The following MYO18A variants were observed in gnomAD, a reference collection of about 807,000 sequenced individuals.
MYO18A encodes the protein unconventional myosin-XVIIIa.
In MYO18A, 78 loss-of-function variants were observed where a neutral mutation model predicts 235.8. The observed-to-expected ratio is 0.33, with a 90% confidence interval of 0.28 to 0.40. The LOEUF (loss-of-function observed/expected upper bound fraction) is 0.40, where lower values mean the gene tolerates loss of function less well. MYO18A is among the 10% of genes least tolerant of loss of function. The probability of loss-of-function intolerance (pLI) is 1.00; values close to 1 mark genes in which losing one functional copy is unlikely to be tolerated. For missense variants in MYO18A, 2,215 were observed against 2,699.3 expected (o/e 0.82, Z 3.98); for synonymous variants, 977 against 1,077.8 (o/e 0.91, Z 1.83).
chr17:29,080,083 C>T (rs1413424372), intron 41 of MYO18A: 42 of 985,848 alleles, frequency 4.3e-5, no homozygotes, highest in South Asian at 1.4e-4. Context: ...GCTCTTCCGG[C>T]CGCTGCGGGA....
Position 29,166,774 on chromosome 17 carries a change from G to C in MYO18A, c.167C>G (p.Ser56Cys). 2 of 1,613,170 alleles carry C rather than the reference G, an allele frequency of 1.2e-6. No homozygotes were observed. The highest frequency in any genetic ancestry group is 1.6e-4 in the Middle Eastern group (1 of 6,062). Residue 56 changes from serine to cysteine, a missense_variant, in exon 2 of 42, where the codon TCC becomes TGC. Ser to Cys is a moderately radical substitution (Grantham distance 112, BLOSUM62 -1). Coordinates refer to ENST00000527372, the MANE Select transcript of MYO18A (RefSeq NM_078471.4). ...FNLNRSSKRE[S>C]KTRLEISNPI... ...GTTGGAGATTTCCAGGCGCGTCTTGGATTCACGCTTGGAGGAGCGGTTCAG... is the reference window on the plus strand; with the variant it reads ...GTTGGAGATTTCCAGGCGCGTCTTGCATTCACGCTTGGAGGAGCGGTTCAG...
chr17:29,143,588 G>GA (rs1415082361), intron 2 of MYO18A, among the ~76,000 whole-genome samples: 1 of 151,990 alleles, frequency 6.6e-6, no homozygotes, highest in Non-Finnish European at 1.5e-5. Flanking sequence ...ATAAGCGGGG[G>GA]AAAAAATGAG....
rs2067704698 is a variant in MYO18A, at chr17:29,140,272, T to C, written c.1000-18019A>G. ...GGAAATCACAAAAAGGTCCCTCCTT[T>C]CCTAAATGAGGAAATAGCATGAGGA... On this transcript the variant is annotated intron_variant, in intron 2 of 41. Coordinates refer to ENST00000527372, the MANE Select transcript of MYO18A (RefSeq NM_078471.4). This position sits in a 1 kb window ranked among gnomAD's most constrained non-coding sequence, Gnocchi z 4.2. 1.8e-6 allele frequency: 2 copies of C among 1,112,136 alleles called. No individual in the cohort carries two copies. Among genetic ancestry groups the C allele is most frequent in the Non-Finnish European group, 2.3e-6 (2 of 875,786 alleles). 68.9% of individuals were successfully genotyped at this position (1,112,136 alleles called of 1,614,324 possible).
intron 2 of MYO18A, among the ~76,000 whole-genome samples, chr17:29,163,176 C>G (rs2068210292): frequency 6.6e-6 from 1 of 152,232 alleles, no homozygotes; most frequent in African/African-American, 2.4e-5. Flanking sequence ...GGCGGGAAGA[C>G]TTCTCTTGGC....
intron 2 of MYO18A, among the ~76,000 whole-genome samples, chr17:29,146,077 G>A (rs1378973903): frequency 1.3e-5 from 2 of 152,110 alleles, no homozygotes; most frequent in African/African-American, 4.8e-5. Flanking sequence ...GGCCAACATG[G>A]TGAAACCCCG....
chr17:29,084,616 C>G (rs1227500552), intron 40 of MYO18A, among the ~76,000 whole-genome samples: 1 of 152,152 alleles, frequency 6.6e-6, no homozygotes, highest in African/African-American at 2.4e-5. Flanking sequence ...CAAACGGAGA[C>G]AGAACGGCGG....
At position 29,121,627 on chromosome 17, in the gene MYO18A, C is replaced by A. The variant is rs565414233; in HGVS notation, c.1291G>T (p.Ala431Ser). The A allele has an allele frequency of 6.3e-7, 1 of 1,584,070 alleles. No individual in the cohort carries two copies. The highest frequency in any genetic ancestry group is 1.1e-5 in the South Asian group (1 of 87,448). The change falls in exon 5 of 42, where the codon GCT (alanine) becomes TCT (serine). Residue 431 changes from alanine (A) to serine (S), a missense_variant. Coordinates refer to ENST00000527372, the MANE Select transcript of MYO18A (RefSeq NM_078471.4). This position sits in a 1 kb window ranked among gnomAD's most constrained non-coding sequence, Gnocchi z 4.2. The part of the protein sequence containing the change: ...VLHTLRQRYG[A>S]SLLHTYAGPS... The stretch of plus-strand genomic sequence containing the variant: ...CCAGCATACGTGTGCAGCAGGCTAG[C>A]GCCATAGCGCTGGCGCAAGGTGTGC...
At chr17:29,148,834 G>A (rs2067904954) in intron 2 of MYO18A, among the ~76,000 whole-genome samples, 1 of 152,166 alleles carries the variant, frequency 6.6e-6, no homozygotes, top group African/African-American at 2.4e-5. Context: ...CATGCCCAGG[G>A]CCACCCCAGC....
intron 13 of MYO18A, 122 bp downstream of exon 13, chr17:29,115,229 A>C: frequency 7.0e-7 from 1 of 1,424,990 alleles, no homozygotes; most frequent in South Asian, 1.3e-5. Context: ...CCTTGCTCAT[A>C]GCCCATGGGA....
chr17:29,105,171 CAAAA>C (rs58344909), intron 20 of MYO18A, among the ~76,000 whole-genome samples: 7 of 35,814 alleles, frequency 2.0e-4, no homozygotes, highest in African/African-American at 5.6e-4. Flanking sequence ...GACTCTGTCT[CAAAA>C]AAAAAAAAAA....
In MYO18A at chr17:29,115,105, T is replaced by G; in HGVS notation, c.2319-6A>C. On this transcript the variant is annotated splice_polypyrimidine_tract_variant and splice_region_variant and intron_variant, in intron 13 of 41. Transcript: ENST00000527372. ...GCTGGCTGGACTTGAGAGCCCTGGA[T>G]AGGGACAGCCTGGGTCAGAGCCTCG... 1.2e-6 allele frequency: 2 copies of G among 1,610,312 alleles called. No homozygotes were observed. The highest frequency in any genetic ancestry group is 1.7e-6 in the Non-Finnish European group (2 of 1,177,922).
At chr17:29,168,606 A>AGGGC (rs2068332843) in intron 1 of MYO18A, among the ~76,000 whole-genome samples, 1 of 152,148 alleles carries the variant, frequency 6.6e-6, no homozygotes, top group African/African-American at 2.4e-5. Flanking sequence ...ACAACCAAGC[A>AGGGC]GGGCCCTCCG....
chr17:29,084,372 C>T (rs1181641120), intron 40 of MYO18A, among the ~76,000 whole-genome samples: 1 of 152,184 alleles, frequency 6.6e-6, no homozygotes, highest in African/African-American at 2.4e-5. Context: ...ACATACAGAA[C>T]AGTGGATGGG....
Position 29,110,421 on chromosome 17 carries a change from C to A in MYO18A, c.3087+15G>T. 1 of 1,565,990 alleles carries A rather than the reference C, an allele frequency of 6.4e-7. No homozygotes were observed. Among genetic ancestry groups the A allele is most frequent in the South Asian group, 1.2e-5 (1 of 84,994 alleles). On this transcript the variant is annotated intron_variant, in intron 18 of 41. Transcript: ENST00000527372. ...GGTCCCCAGGCCTGCCTGCTGGGAC[C>A]CGGCTGGCACTCACCACCTGTAGCT...
chr17:29,097,927 C>G (rs1295158911), intron 25 of MYO18A, 28 bp from the exon 26 acceptor site: 2 of 1,596,362 alleles, frequency 1.3e-6, no homozygotes, highest in East Asian at 4.5e-5. Flanking sequence ...TCAGGGTGTG[C>G]CATTCCATCC....
At chr17:29,141,795 T>C (rs1429486812) in intron 2 of MYO18A, among the ~76,000 whole-genome samples, 3 of 152,218 alleles carry the variant, frequency 2.0e-5, no homozygotes. Context: ...ACATCTTCAG[T>C]GGCTACTTAG....
Position 29,120,930 on chromosome 17 carries a change from G to A in MYO18A, c.1585+68C>T. The A allele has an allele frequency of 6.4e-7, 1 of 1,566,464 alleles. No homozygotes were observed. Among genetic ancestry groups the A allele is most frequent in the Non-Finnish European group, 8.7e-7 (1 of 1,152,094 alleles). On this transcript the variant is annotated intron_variant, in intron 6 of 41. Coordinates refer to ENST00000527372, the MANE Select transcript of MYO18A (RefSeq NM_078471.4). The surrounding 1 kb of genome is among the most constrained non-coding windows in gnomAD (Gnocchi z 4.2). ...AGGGAGAAAAAGAGCTGGCACTTAA[G>A]AGGGTGCTCTCTCCTCACTCCCCTC...
rs2067193293 is a variant in MYO18A at position 29,121,273 on chromosome 17, C to T, written c.1372-62G>A. 6.6e-7 allele frequency: 1 copy of T among 1,512,638 alleles called. No individual in the cohort carries two copies. The highest frequency in any genetic ancestry group is 2.5e-5 in the East Asian group (1 of 40,710). The allele number at this position is 1,512,638 out of a possible 1,614,324, so 93.7% of individuals were successfully genotyped here. On this transcript the variant is annotated intron_variant, in intron 5 of 41. Coordinates refer to ENST00000527372, the MANE Select transcript of MYO18A (RefSeq NM_078471.4). This position sits in a 1 kb window ranked among gnomAD's most constrained non-coding sequence, Gnocchi z 4.2. ...CTTAGCTGATCCCATTAAGACACCC[C>T]TCACCCCCAAGGTCCACATCTTTCT...
chr17:29,151,632 T>C (rs2067965607), intron 2 of MYO18A, among the ~76,000 whole-genome samples: 1 of 152,216 alleles, frequency 6.6e-6, no homozygotes, highest in Non-Finnish European at 1.5e-5. Flanking sequence ...GTCCCAGGCC[T>C]GGGAGAAAGC....
Sources: allele counts gnomAD v4.1 joint callset (sites outside exome capture counted in the v4.1 genomes callset), GRCh38; gene constraint gnomAD v4.1.1; non-coding constraint Gnocchi (gnomAD v3.1); transcripts MANE v1.5; gene names NCBI Gene and HGNC (gene_info 2026-07-23, HGNC 2026-07-21).